CEP57L1: variants seen among roughly 807,000 people sequenced by gnomAD.
CEP57L1 encodes the protein centrosomal protein 57 like 1.
CEP57L1 carries 37 observed loss-of-function variants against 61.0 expected under a neutral mutation model. The ratio of observed to expected loss-of-function variants is 0.61; its 90% CI spans 0.47 to 0.80. CEP57L1 has a LOEUF of 0.80. Among genes scored for constraint, CEP57L1 ranks in the 30% least tolerant of loss-of-function variants. The pLI is 0.00. For missense variants in CEP57L1, 422 were observed against 524.7 expected (o/e 0.80, Z 1.91); for synonymous variants, 137 against 162.3 (o/e 0.84, Z 1.19).
At chr6:109,096,531 A>C (rs1781727096) in intron 1 of CEP57L1, among the ~76,000 whole-genome samples, 1 of 152,114 alleles carries the variant, frequency 6.6e-6, no homozygotes, top group African/African-American at 2.4e-5. Flanking sequence ...AATCATGCAT[A>C]CTTGGCGGTG....
intron 1 of CEP57L1, among the ~76,000 whole-genome samples, chr6:109,125,744 A>T (rs945947028): frequency 1.3e-5 from 2 of 151,744 alleles, no homozygotes; most frequent in East Asian, 3.9e-4. Context: ...AGACGGGTGG[A>T]TAGAGATGTT....
intron 1 of CEP57L1, 147 bp from the exon 2 acceptor site, chr6:109,145,072 T>G (rs1015734027): frequency 2.3e-5 from 11 of 477,422 alleles, no homozygotes; most frequent in Non-Finnish European, 3.7e-5. Flanking sequence ...GCCAAGCCTA[T>G]TAGAGTTGAA....
At chr6:109,100,113 T>C (rs1400539710) in intron 1 of CEP57L1, 1 of 152,248 alleles carries the variant, frequency 6.6e-6, no homozygotes, top group Non-Finnish European at 1.5e-5. Context: ...AGTGTGTTTA[T>C]TTCAGTAGAG....
intron 1 of CEP57L1, among the ~76,000 whole-genome samples, chr6:109,109,725 T>C (rs765357335): frequency 2.6e-5 from 4 of 152,156 alleles, no homozygotes; most frequent in Admixed American, 2.0e-4. Flanking sequence ...GTGAGTGATG[T>C]TCCCCTCCCT....
At chr6:109,099,909 T>G (rs1183277182) in intron 1 of CEP57L1, among the ~76,000 whole-genome samples, 1 of 152,238 alleles carries the variant, frequency 6.6e-6, no homozygotes, top group Non-Finnish European at 1.5e-5. Flanking sequence ...ACTCTTTTAC[T>G]GTGTTCTTTG....
At chr6:109,142,488 G>A (rs756852501) in intron 1 of CEP57L1, among the ~76,000 whole-genome samples, 1 of 152,090 alleles carries the variant, frequency 6.6e-6, no homozygotes, top group Non-Finnish European at 1.5e-5. Context: ...CTTAGAGGAC[G>A]AGTCAATAGG....
chr6:109,151,103 C>T (rs1008199338), intron 4 of CEP57L1, among the ~76,000 whole-genome samples: 2 of 152,140 alleles, frequency 1.3e-5, no homozygotes, highest in African/African-American at 2.4e-5. Flanking sequence ...TTCATCAGAA[C>T]AATGGCTTAT....
intron 1 of CEP57L1, among the ~76,000 whole-genome samples, chr6:109,124,313 T>C (rs1773303352): frequency 2.6e-5 from 4 of 152,244 alleles, no homozygotes; most frequent in Admixed American, 2.6e-4. Context: ...TTCTGCTTCA[T>C]CTTCTGCAAT....
At chr6:109,155,478 C>T (rs1443169387) in intron 6 of CEP57L1, among the ~76,000 whole-genome samples, 171 bp downstream of exon 6, 1 of 151,744 alleles carries the variant, frequency 6.6e-6, no homozygotes, top group Non-Finnish European at 1.5e-5. Context: ...GATGTATTAC[C>T]AAGAGGTCTT....
chr6:109,152,158 T>C (rs1272419040), intron 4 of CEP57L1, among the ~76,000 whole-genome samples: 1 of 152,144 alleles, frequency 6.6e-6, no homozygotes, highest in Non-Finnish European at 1.5e-5. Flanking sequence ...TTTTTGGTTT[T>C]GTTTTAATTA....
At position 109,141,151 on chromosome 6, in the gene CEP57L1, G is replaced by C. The variant is rs556578730; in HGVS notation, c.-3-4068G>C. Among the ~76,000 whole-genome samples, 182 of 151,908 alleles carry C rather than the reference G, an allele frequency of 1.2e-3. 2 individuals carry two copies. The Middle Eastern group carries it at 0.051, about 43-fold the overall frequency. ...AGCTGCGTTTTCTTTATTTGACTCT[G>C]TAGCTATCTGAAATTTGTATTGATG... On this transcript the variant is annotated intron_variant, in intron 1 of 10. Coordinates refer to ENST00000517392, the MANE Select transcript of CEP57L1 (RefSeq NM_001271852.3).
At chr6:109,116,115 A>G (rs1297371063) in intron 1 of CEP57L1, among the ~76,000 whole-genome samples, 207 of 146,504 alleles carry the variant, frequency 1.4e-3, no homozygotes, top group African/African-American at 5.1e-3. Flanking sequence ...ATTTTATTTT[A>G]TGTTATGTGT....
intron 1 of CEP57L1, among the ~76,000 whole-genome samples, chr6:109,098,339 G>A (rs181360989): frequency 5.5e-4 from 84 of 152,256 alleles, no homozygotes; most frequent in African/African-American, 1.9e-3. Flanking sequence ...TAGAGACAGG[G>A]TTTCACCATG....
At chr6:109,161,699 C>CT (rs1378333292) in intron 10 of CEP57L1, among the ~76,000 whole-genome samples, 1 of 151,982 alleles carries the variant, frequency 6.6e-6, no homozygotes, top group East Asian at 1.9e-4. Context: ...AACTTGTACA[C>CT]TTACTTGAAA....
chr6:109,174,109 A>AAAAAACAAAC lies in CEP57L1; in HGVS notation c.*11145_*11146insAAACAAAAAC, dbSNP rs1774535625. 6.7e-6 allele frequency among the ~76,000 whole-genome samples: 1 copy of AAAAAACAAAC among 148,280 alleles called. No homozygotes were observed. The highest frequency in any genetic ancestry group is 1.5e-5 in the Non-Finnish European group (1 of 67,082). Reference sequence around the variant, plus strand: ...AGTGAGTCTTGGTCTCAAAAAAAAAAAAAAACCTTGTGTTGGAAACCATCT... The same window carrying AAAAAACAAAC: ...AGTGAGTCTTGGTCTCAAAAAAAAAAAAAAACAAACAAAAACCTTGTGTTGGAAACCATCT... On this transcript the variant is annotated 3_prime_UTR_variant, in exon 11 of 11. Coordinates refer to ENST00000517392, the MANE Select transcript of CEP57L1 (RefSeq NM_001271852.3).
intron 2 of CEP57L1, 112 bp from the exon 3 acceptor site, chr6:109,146,646 A>T (rs927520776): frequency 9.0e-6 from 6 of 665,296 alleles, no homozygotes; most frequent in Middle Eastern, 4.2e-4. Flanking sequence ...CATTACTTGT[A>T]CATTTTTCTG....
At chr6:109,109,988 C>T (rs1344423726) in intron 1 of CEP57L1, among the ~76,000 whole-genome samples, 4 of 152,060 alleles carry the variant, frequency 2.6e-5, no homozygotes, top group South Asian at 2.1e-4. Flanking sequence ...TGAACAGTGC[C>T]GCAGTAAACA....
intron 1 of CEP57L1, among the ~76,000 whole-genome samples, chr6:109,135,787 G>C (rs1205482169): frequency 1.7e-5 from 2 of 120,916 alleles, no homozygotes; most frequent in East Asian, 4.2e-4. Context: ...AAGGAGACAT[G>C]TATGCAGCCA....
chr6:109,111,660 TGTC>T (rs1771641804), intron 1 of CEP57L1, among the ~76,000 whole-genome samples: 1 of 152,226 alleles, frequency 6.6e-6, no homozygotes, highest in African/African-American at 2.4e-5. Flanking sequence ...GCTGTGGGTT[TGTC>T]ATAAATAGCT....
Sources: gnomAD v4.1 joint callset for allele counts (sites outside exome capture counted in the v4.1 genomes callset) on GRCh38, gnomAD v4.1.1 for gene constraint, MANE v1.5 for transcripts, NCBI Gene and HGNC (gene_info 2026-07-23, HGNC 2026-07-21) for gene names.